HCRTR2: variants seen among roughly 807,000 people sequenced by gnomAD.
The protein encoded by HCRTR2 is hypocretin receptor 2.
HCRTR2 carries 22 observed loss-of-function variants against 49.0 expected under a neutral mutation model. The observed-to-expected ratio is 0.45, with a 90% CI of 0.32 to 0.64. The LOEUF is 0.64. Ranked by LOEUF, HCRTR2 falls within the 30% of genes least tolerant of loss-of-function variation. The pLI is 0.04. For missense variants in HCRTR2, 491 were observed against 559.4 expected, an observed-to-expected ratio of 0.88 and a Z score of 1.23; for synonymous variants, 236 against 205.3, an observed-to-expected ratio of 1.15 and a Z score of -1.28.
At chr6:55,225,265 G>A (rs1765981295) in intron 1 of HCRTR2, among the ~76,000 whole-genome samples, 1 of 152,082 alleles carries the variant, frequency 6.6e-6, no homozygotes, top group Non-Finnish European at 1.5e-5. Flanking sequence ...CCATTAGTGT[G>A]TCATACAAAT....
intron 1 of HCRTR2, among the ~76,000 whole-genome samples, chr6:55,125,756 A>C: frequency 2.6e-5 from 4 of 151,952 alleles, no homozygotes; most frequent in African/African-American, 7.2e-5. Context: ...ACACCAATAG[A>C]ACGTATGTTT....
chr6:55,193,536 CTTTTTTT>C (rs578052261), intron 1 of HCRTR2, among the ~76,000 whole-genome samples: 4 of 140,212 alleles, frequency 2.9e-5, no homozygotes, highest in African/African-American at 1.0e-4. Flanking sequence ...TTTTGTTTTT[CTTTTTTT>C]TTTTTTTCCT....
At chr6:55,135,508 A>T (rs925787534) in intron 1 of HCRTR2, among the ~76,000 whole-genome samples, 5 of 152,034 alleles carry the variant, frequency 3.3e-5, no homozygotes, top group African/African-American at 1.2e-4. Context: ...CTCTCCTCTC[A>T]CAAACTCCTC....
chr6:55,254,245 A>T, intron 2 of HCRTR2, among the ~76,000 whole-genome samples: 1 of 151,184 alleles, frequency 6.6e-6, no homozygotes, highest in Non-Finnish European at 1.5e-5. Flanking sequence ...GTAAAAAAAA[A>T]TGTAAAAGAA....
chr6:55,281,111 T>C (rs1767182235), intron 6 of HCRTR2, among the ~76,000 whole-genome samples: 1 of 152,206 alleles, frequency 6.6e-6, no homozygotes, highest in Admixed American at 6.6e-5. Context: ...TTACATTGCC[T>C]TAATCTCCAA....
intron 1 of HCRTR2, among the ~76,000 whole-genome samples, chr6:55,229,049 T>C (rs1038599159): frequency 1.3e-5 from 2 of 152,130 alleles, no homozygotes; most frequent in Non-Finnish European, 2.9e-5. Flanking sequence ...GGAGGGATTT[T>C]TGCAAATCAA....
chr6:55,266,179 T>A (rs920659710), intron 4 of HCRTR2, among the ~76,000 whole-genome samples: 9 of 152,192 alleles, frequency 5.9e-5, no homozygotes, highest in Non-Finnish European at 1.5e-5. Context: ...TAATTGTACT[T>A]ACATTTAAAT....
At chr6:55,174,441 A>C (rs1764998226), upstream of HCRTR2, 1 of 743,260 alleles carries the variant, frequency 1.3e-6, no homozygotes, top group East Asian at 2.7e-5. Context: ...CTCCGGAGGC[A>C]TTGGCTCAGT....
At chr6:55,283,826 A>T (rs560322053), downstream of HCRTR2, among the ~76,000 whole-genome samples, 6 of 152,180 alleles carry the variant, frequency 3.9e-5, no homozygotes, top group Non-Finnish European at 7.4e-5. Flanking sequence ...ACACTCAGAG[A>T]AAAGTAAAAG....
intron 3 of HCRTR2, among the ~76,000 whole-genome samples, chr6:55,261,939 C>T (rs1766764972): frequency 2.0e-5 from 3 of 152,066 alleles, no homozygotes; most frequent in African/African-American, 7.2e-5. Flanking sequence ...TAGAATACTA[C>T]TTAGCCATAA....
In HCRTR2 at chr6:55,277,392, T is replaced by A. The variant is rs764055361; in HGVS notation, c.775T>A (p.Ser259Thr). ...CTTCTCCTTTCAGATCCCTGGAACA[T>A]CATCTGTAGTTCAGAGAAAATGGAA... is the stretch of plus-strand genomic sequence containing the variant. ...KLWCRQIPGT[S>T]SVVQRKWKPL... Residue 259 changes from serine to threonine, a missense_variant, in exon 5 of 7, where the codon TCA becomes ACA. Coordinates refer to ENST00000370862, the MANE Select transcript of HCRTR2 (RefSeq NM_001384272.1). 44 of 1,613,302 alleles carry A rather than the reference T, an allele frequency of 2.7e-5. No individual in the cohort carries two copies. Among genetic ancestry groups the A allele is most frequent in the Non-Finnish European group, 3.4e-5 (40 of 1,179,390 alleles).
chr6:55,176,101 C>T (rs1263511023), intron 1 of HCRTR2, among the ~76,000 whole-genome samples: 3 of 152,160 alleles, frequency 2.0e-5, no homozygotes, highest in Non-Finnish European at 4.4e-5. Context: ...TTTGCCTTCT[C>T]TCCCAAGTGT....
At chr6:55,179,310 G>A (rs951516143) in intron 1 of HCRTR2, among the ~76,000 whole-genome samples, 3 of 151,906 alleles carry the variant, frequency 2.0e-5, no homozygotes, top group African/African-American at 4.8e-5. Flanking sequence ...CACTCATCTC[G>A]GCCAAGACTC....
chr6:55,229,494 C>G (rs767326013), intron 1 of HCRTR2, among the ~76,000 whole-genome samples: 3 of 152,094 alleles, frequency 2.0e-5, no homozygotes, highest in Non-Finnish European at 2.9e-5. Flanking sequence ...AAATGTCCAT[C>G]CATGGATTAA....
Position 55,248,715 on chromosome 6 carries a change from T to C in HCRTR2, c.300T>C (p.Asp100=). 1 of 1,613,500 alleles carries C rather than the reference T, an allele frequency of 6.2e-7. No individual in the cohort carries two copies. Among genetic ancestry groups the C allele is most frequent in the Non-Finnish European group, 8.5e-7 (1 of 1,179,520 alleles). The change falls in exon 2 of 7, where the codon GAT becomes GAC. Residue 100 remains aspartate (D), a synonymous_variant. Transcript: ENST00000370862. ...NYFIVNLSLA[D]VLVTITCLPA... is the part of the protein sequence containing the mutation. ...TCATAGTCAATCTTTCTCTGGCTGA[T>C]GTGCTCGTGACCATCACCTGCCTTC...
intron 1 of HCRTR2, among the ~76,000 whole-genome samples, chr6:55,142,753 T>C (rs9475165): frequency 0.25 from 38,474 of 151,624 alleles, 5,323 homozygotes; most frequent in African/African-American, 0.34. Flanking sequence ...TTAATAATAA[T>C]GTATTCTTTC....
rs1309586466 is a variant in HCRTR2, at chr6:55,248,803, A to G, written c.388A>G (p.Ile130Val). 1 of 1,613,090 alleles carries G rather than the reference A, an allele frequency of 6.2e-7. No homozygotes were observed. The highest frequency in any genetic ancestry group is 8.5e-7 in the Non-Finnish European group (1 of 1,179,190). Residue 130 changes from isoleucine (I) to valine (V), a missense_variant, in exon 2 of 7, where the codon ATT (isoleucine) becomes GTT (valine). Transcript: ENST00000370862. Reference sequence around the variant, plus strand: ...TTTTGGACAGTCCCTTTGCAAAGTGATTCCTTATCTACAGGTAATTGTTTT... The same window carrying G: ...TTTTGGACAGTCCCTTTGCAAAGTGGTTCCTTATCTACAGGTAATTGTTTT... The part of the protein sequence containing the change: ...WFFGQSLCKV[I>V]PYLQTVSVSV...
chr6:55,166,671 G>C (rs1038654109), intron 1 of HCRTR2, among the ~76,000 whole-genome samples: 2 of 152,052 alleles, frequency 1.3e-5, no homozygotes, highest in African/African-American at 4.8e-5. Flanking sequence ...TCAACATAGA[G>C]TTACTGTATG....
At position 55,282,521 on chromosome 6, in the gene HCRTR2, A is replaced by G; in HGVS notation, c.*67A>G. 1.1e-6 allele frequency: 1 copy of G among 872,780 alleles called. No homozygotes were observed. The highest frequency in any genetic ancestry group is 1.9e-5 in the Admixed American group (1 of 51,294). The allele number at this position is 872,780 out of a possible 1,614,324, so 54.1% of individuals were successfully genotyped here. ...CTTTTTAAAATCACTGGGAACAGAA[A>G]TTTTATTATCCTATGATGTGAAGCT... On this transcript the variant is annotated 3_prime_UTR_variant, in exon 7 of 7. Coordinates refer to ENST00000370862, the MANE Select transcript of HCRTR2 (RefSeq NM_001384272.1).
Sources: gnomAD v4.1 joint callset for allele counts (sites outside exome capture counted in the v4.1 genomes callset) on GRCh38, gnomAD v4.1.1 for gene constraint, MANE v1.5 for transcripts, NCBI Gene and HGNC (gene_info 2026-07-23, HGNC 2026-07-21) for gene names.